Variants in KATNIP observed in about 807,000 individuals in gnomAD.
KATNIP encodes katanin interacting protein, also known as katanin-interacting protein.
In KATNIP, 126 loss-of-function variants were observed where a neutral mutation model predicts 174.0. The observed-to-expected ratio is 0.72, with a 90% CI of 0.63 to 0.84. KATNIP has a LOEUF of 0.84. KATNIP is among the 40% of genes least tolerant of loss of function. The pLI, the probability that KATNIP is intolerant of heterozygous loss-of-function variation, is 0.00. For missense variants in KATNIP, 1,958 were observed against 2,109.7 expected, an observed-to-expected ratio of 0.93 and a Z score of 1.41; for synonymous variants, 810 against 835.7, an observed-to-expected ratio of 0.97 and a Z score of 0.53.
intron 6 of KATNIP, among the ~76,000 whole-genome samples, chr16:27,661,169 T>C (rs1474462026): frequency 6.6e-6 from 1 of 152,136 alleles, no homozygotes; most frequent in Non-Finnish European, 1.5e-5. Context: ...GTTTGAGATA[T>C]GTAGTTTGGA....
At chr16:27,569,010 T>G (rs2090189135) in intron 1 of KATNIP, among the ~76,000 whole-genome samples, 1 of 152,224 alleles carries the variant, frequency 6.6e-6, no homozygotes, top group Admixed American at 6.5e-5. Context: ...ATGAATAGTT[T>G]AATTAGGAAT....
chr16:27,636,205 C>T (rs895038190), intron 5 of KATNIP, among the ~76,000 whole-genome samples: 1 of 152,122 alleles, frequency 6.6e-6, no homozygotes, highest in Non-Finnish European at 1.5e-5. Context: ...AAAAGTCTGG[C>T]CCCCACGCTG....
intron 13 of KATNIP, among the ~76,000 whole-genome samples, chr16:27,710,444 C>G (rs187173331): frequency 7.2e-4 from 109 of 152,318 alleles, no homozygotes; most frequent in Admixed American, 2.5e-3. Flanking sequence ...TTGCAAGTTG[C>G]ACACAAGAGA....
At chr16:27,640,356 G>A (rs941467815) in intron 5 of KATNIP, among the ~76,000 whole-genome samples, 24 of 152,192 alleles carry the variant, frequency 1.6e-4, no homozygotes, top group Non-Finnish European at 2.6e-4. Context: ...TTGCAAGGGC[G>A]TGGAGGTGGG....
intron 15 of KATNIP, among the ~76,000 whole-genome samples, chr16:27,741,900 T>A (rs992617463): frequency 1.3e-5 from 2 of 151,790 alleles, no homozygotes; most frequent in Non-Finnish European, 2.9e-5. Context: ...AGACTCCGTC[T>A]CAAAAAAAAA....
chr16:27,725,010 TGTAA>T (rs1466223746), intron 14 of KATNIP, among the ~76,000 whole-genome samples: 3 of 152,148 alleles, frequency 2.0e-5, no homozygotes, highest in Admixed American at 6.5e-5. Flanking sequence ...TTGGTGATTC[TGTAA>T]GTGTCAGCTG....
At chr16:27,669,797 C>T (rs2077826881) in intron 6 of KATNIP, among the ~76,000 whole-genome samples, 1 of 152,102 alleles carries the variant, frequency 6.6e-6, no homozygotes, top group African/African-American at 2.4e-5. Flanking sequence ...CGAATCTAGG[C>T]TGCTCTTTTA....
chr16:27,728,380 G>A (rs937234177), intron 14 of KATNIP, among the ~76,000 whole-genome samples: 5 of 152,216 alleles, frequency 3.3e-5, no homozygotes, highest in African/African-American at 7.2e-5. Flanking sequence ...GCTTTAAAGC[G>A]GGTCCCCAGC....
At chr16:27,608,860 G>C (rs976511909) in intron 2 of KATNIP, among the ~76,000 whole-genome samples, 1 of 152,024 alleles carries the variant, frequency 6.6e-6, no homozygotes, top group Non-Finnish European at 1.5e-5. Flanking sequence ...TCAGCACCCG[G>C]CAATCTAGCC....
chr16:27,567,580 G>GT (rs1231831607), intron 1 of KATNIP, among the ~76,000 whole-genome samples: 1 of 152,202 alleles, frequency 6.6e-6, no homozygotes, highest in Non-Finnish European at 1.5e-5. Flanking sequence ...CTGGAGTGCA[G>GT]TGGCACGATC....
In KATNIP at chr16:27,777,311, A is replaced by G. The variant is rs974068328; in HGVS notation, c.4551+282A>G. 6.6e-6 allele frequency among the ~76,000 whole-genome samples: 1 copy of G among 152,188 alleles called. No homozygotes were observed. The highest frequency in any genetic ancestry group is 2.4e-5 in the African/African-American group (1 of 41,442). ...GCGGTGACCCTGGGATGGGGAAAACAGGGACCCTGGATACCAGAGACCCAA... is the reference window on the plus strand; with the variant it reads ...GCGGTGACCCTGGGATGGGGAAAACGGGGACCCTGGATACCAGAGACCCAA... On this transcript the variant is annotated intron_variant, in intron 25 of 27. Transcript: ENST00000261588. The surrounding 1 kb of genome is among the most constrained non-coding windows in gnomAD (Gnocchi z 4.4).
intron 3 of KATNIP, 184 bp from the exon 4 acceptor site, chr16:27,628,477 T>C: frequency 1.6e-6 from 1 of 610,700 alleles, no homozygotes; most frequent in Non-Finnish European, 2.9e-6. Flanking sequence ...CTGCCCCTCG[T>C]GGCTTCTCTA....
intron 2 of KATNIP, among the ~76,000 whole-genome samples, chr16:27,612,766 AAAAAAAAAGAAATGCAGACTTGG>A (rs1455798740): frequency 6.6e-6 from 1 of 151,044 alleles, no homozygotes; most frequent in East Asian, 1.9e-4. Context: ...CTCAAAAAGA[AAAAAAAAAGAAATGCAGACTTGG>A]GCACTTGCCA....
intron 2 of KATNIP, among the ~76,000 whole-genome samples, chr16:27,608,685 T>G (rs547505343): frequency 6.6e-6 from 1 of 152,170 alleles, no homozygotes; most frequent in East Asian, 1.9e-4. Context: ...ACCCAGCTAA[T>G]TTTTAAAAAA....
intron 5 of KATNIP, among the ~76,000 whole-genome samples, chr16:27,642,427 G>A (rs2076827422): frequency 6.6e-6 from 1 of 152,148 alleles, no homozygotes; most frequent in Non-Finnish European, 1.5e-5. Flanking sequence ...GGCCTGCTGT[G>A]GGGCCTAAAA....
At chr16:27,762,300 A>T (rs1473360768) in intron 19 of KATNIP, among the ~76,000 whole-genome samples, 1 of 152,214 alleles carries the variant, frequency 6.6e-6, no homozygotes, top group Admixed American at 6.5e-5. Context: ...CAATAATAAC[A>T]GCAATGCTAA....
At chr16:27,596,161 G>A (rs574770241) in intron 2 of KATNIP, among the ~76,000 whole-genome samples, 1 of 152,178 alleles carries the variant, frequency 6.6e-6, no homozygotes, top group Non-Finnish European at 1.5e-5. Context: ...ACAGGCGAAG[G>A]TGAAAGGAGG....
chr16:27,698,806 G>A (rs1018893519), intron 9 of KATNIP, among the ~76,000 whole-genome samples: 1 of 152,244 alleles, frequency 6.6e-6, no homozygotes, highest in Non-Finnish European at 1.5e-5. Flanking sequence ...AAACTGGTGG[G>A]TCAGTGAAGA....
intron 8 of KATNIP, among the ~76,000 whole-genome samples, chr16:27,684,387 C>G (rs557582163): frequency 6.6e-6 from 1 of 152,330 alleles, no homozygotes; most frequent in South Asian, 2.1e-4. Context: ...TAATTACCCA[C>G]ATTAATTACC....
Sources: allele counts gnomAD v4.1 joint callset (sites outside exome capture counted in the v4.1 genomes callset), GRCh38; gene constraint gnomAD v4.1.1; non-coding constraint Gnocchi (gnomAD v3.1); transcripts MANE v1.5; gene names NCBI Gene and HGNC (gene_info 2026-07-23, HGNC 2026-07-21).